Variants in CSMD1 observed in about 807,000 individuals in gnomAD.
CSMD1 encodes the protein CUB and sushi domain-containing protein 1.
Under a neutral mutation model 417.5 loss-of-function variants are expected in CSMD1, and 213 were observed. The ratio of observed to expected loss-of-function variants is 0.51; its 90% CI spans 0.46 to 0.57. CSMD1 has a LOEUF of 0.57. Among genes scored for constraint, CSMD1 ranks in the 20% least tolerant of loss-of-function variants. The pLI is 0.00. For synonymous variants in CSMD1, 2,862 were observed against 1,736.8 expected (o/e 1.65, Z -16.11); for missense variants, 6,923 against 4,529.7 (o/e 1.53, Z -15.17).
intron 1 of CSMD1, among the ~76,000 whole-genome samples, chr8:4,683,897 G>A (rs575490236): frequency 1.3e-5 from 2 of 152,126 alleles, no homozygotes; most frequent in African/African-American, 4.8e-5. Flanking sequence ...TATAGGAAAG[G>A]ACTAATTAGA....
intron 33 of CSMD1, among the ~76,000 whole-genome samples, chr8:3,195,638 C>T (rs527587370): frequency 1.3e-5 from 2 of 152,192 alleles, no homozygotes; most frequent in African/African-American, 2.4e-5. Context: ...CCTGCCAGTC[C>T]CTGCTTGATG....
At chr8:3,241,825 G>A (rs1799551122) in intron 26 of CSMD1, among the ~76,000 whole-genome samples, 2 of 152,066 alleles carry the variant, frequency 1.3e-5, no homozygotes, top group East Asian at 3.9e-4. Context: ...TTGCTTCTTG[G>A]CTGCCTCTAT....
rs186811287 is a variant in CSMD1, at chr8:4,306,673, C to A, written c.415+113280G>T. 1.3e-3 allele frequency among the ~76,000 whole-genome samples: 202 copies of A among 152,190 alleles called. 1 individual carries two copies. Among genetic ancestry groups the A allele is most frequent in the African/African-American group, 4.5e-3 (185 of 41,522 alleles). ...TGTCGATCACATGTAGGTGATTGTACAATTCACATGCTCTCCTCTTCCAAA... is the reference window on the plus strand; with the variant it reads ...TGTCGATCACATGTAGGTGATTGTAAAATTCACATGCTCTCCTCTTCCAAA... On this transcript the variant is annotated intron_variant, in intron 3 of 69. Coordinates refer to ENST00000635120, the MANE Select transcript of CSMD1 (RefSeq NM_033225.6).
At chr8:4,257,779 C>A (rs914600012) in intron 3 of CSMD1, among the ~76,000 whole-genome samples, 1 of 152,136 alleles carries the variant, frequency 6.6e-6, no homozygotes, top group South Asian at 2.1e-4. Context: ...GCATCCGCCT[C>A]GTAGGAATGC....
At chr8:3,879,935 C>G (rs181278284) in intron 5 of CSMD1, among the ~76,000 whole-genome samples, 1 of 151,980 alleles carries the variant, frequency 6.6e-6, no homozygotes, top group African/African-American at 2.4e-5. Flanking sequence ...GTATGTGATA[C>G]GACTTACTAC....
At chr8:3,955,249 C>T (rs531498428) in intron 5 of CSMD1, among the ~76,000 whole-genome samples, 21 of 152,262 alleles carry the variant, frequency 1.4e-4, no homozygotes, top group African/African-American at 5.1e-4. Context: ...CAGATCCCAC[C>T]GGCAATGCCA....
intron 49 of CSMD1, among the ~76,000 whole-genome samples, chr8:3,082,340 T>A (rs11136574): frequency 0.29 from 43,381 of 152,044 alleles, 6,443 homozygotes; most frequent in African/African-American, 0.37. Context: ...CCACGTAAAC[T>A]TGCAGCTGAG....
intron 3 of CSMD1, among the ~76,000 whole-genome samples, chr8:4,352,413 G>C (rs568416378): frequency 1.3e-5 from 2 of 152,258 alleles, no homozygotes; most frequent in South Asian, 4.1e-4. Context: ...GAGAACACCA[G>C]TATAAATATT....
chr8:3,551,659 C>T (rs913210598), intron 10 of CSMD1, among the ~76,000 whole-genome samples: 1 of 147,272 alleles, frequency 6.8e-6, no homozygotes, highest in Non-Finnish European at 1.5e-5. Flanking sequence ...TAATACCAAG[C>T]CAGTGTATAG....
intron 3 of CSMD1, among the ~76,000 whole-genome samples, chr8:4,341,819 G>T (rs1400682964): frequency 6.6e-6 from 1 of 152,086 alleles, no homozygotes; most frequent in East Asian, 1.9e-4. Flanking sequence ...GACTTAACGA[G>T]CACATCTGCA....
chr8:4,023,805 G>C (rs570076545), intron 4 of CSMD1, among the ~76,000 whole-genome samples: 2 of 130,956 alleles, frequency 1.5e-5, no homozygotes, highest in East Asian at 2.3e-4. Context: ...TTTTAGTAGA[G>C]ACGGGGTTTC....
At chr8:3,367,982 T>C (rs1175462130) in intron 19 of CSMD1, among the ~76,000 whole-genome samples, 1 of 149,802 alleles carries the variant, frequency 6.7e-6, no homozygotes, top group Non-Finnish European at 1.5e-5. Flanking sequence ...GAGGAAAAAC[T>C]TCCTTAAAAA....
intron 2 of CSMD1, among the ~76,000 whole-genome samples, chr8:4,605,666 T>C (rs1205670182): frequency 6.6e-6 from 1 of 152,232 alleles, no homozygotes; most frequent in African/African-American, 2.4e-5. Context: ...TATAATGCTT[T>C]AACATATACT....
intron 5 of CSMD1, among the ~76,000 whole-genome samples, chr8:3,815,843 T>C (rs1801339706): frequency 6.6e-6 from 1 of 152,118 alleles, no homozygotes; most frequent in African/African-American, 2.4e-5. Context: ...TCCCAGCATG[T>C]GGCAGAGAAA....
chr8:3,689,851 G>C (rs1414746381), intron 7 of CSMD1, among the ~76,000 whole-genome samples: 1 of 152,162 alleles, frequency 6.6e-6, no homozygotes, highest in Non-Finnish European at 1.5e-5. Flanking sequence ...AAGAACATGA[G>C]CTTTAAATCA....
intron 11 of CSMD1, among the ~76,000 whole-genome samples, chr8:3,486,681 T>C (rs927124334): frequency 7.9e-5 from 12 of 152,216 alleles, no homozygotes; most frequent in Non-Finnish European, 1.3e-4. Context: ...GCCCTCGGGC[T>C]CCGATTCCTG....
At chr8:4,435,784 A>T (rs1798116226) in intron 2 of CSMD1, among the ~76,000 whole-genome samples, 1 of 152,292 alleles carries the variant, frequency 6.6e-6, no homozygotes, top group South Asian at 2.1e-4. Flanking sequence ...ACAGCTAAAC[A>T]AGACAATAGA....
At chr8:3,240,131 A>G (rs1045809984) in intron 26 of CSMD1, among the ~76,000 whole-genome samples, 29 of 152,172 alleles carry the variant, frequency 1.9e-4, no homozygotes, top group African/African-American at 7.0e-4. Context: ...CAGTAAGGTC[A>G]AGTAATTTGG....
intron 3 of CSMD1, among the ~76,000 whole-genome samples, chr8:4,352,739 A>C (rs994254096): frequency 2.0e-5 from 3 of 152,234 alleles, no homozygotes; most frequent in Non-Finnish European, 2.9e-5. Context: ...TCTGAGATTT[A>C]AGAGTCATTT....
Sources: allele counts gnomAD v4.1 joint callset (sites outside exome capture counted in the v4.1 genomes callset), GRCh38; gene constraint gnomAD v4.1.1; transcripts MANE v1.5; gene names NCBI Gene and HGNC (gene_info 2026-07-23, HGNC 2026-07-21).